Variants in EXOC6B observed in about 807,000 individuals in gnomAD.
EXOC6B encodes SEC15 homolog B.
EXOC6B carries 54 observed loss-of-function variants against 113.5 expected under a neutral mutation model. The ratio of observed to expected loss-of-function variants is 0.48; its 90% CI spans 0.38 to 0.60. EXOC6B has a LOEUF of 0.60. Among genes scored for constraint, EXOC6B ranks in the 20% least tolerant of loss-of-function variants. EXOC6B has a pLI of 0.00. For missense variants in EXOC6B, 797 were observed against 977.5 expected (o/e 0.82, Z 2.46); for synonymous variants, 357 against 339.0 (o/e 1.05, Z -0.58).
At position 72,405,978 on chromosome 2, in the gene EXOC6B, G is replaced by C. The variant is rs192509607; in HGVS notation, c.1981-26108C>G. 2.8e-3 allele frequency among the ~76,000 whole-genome samples: 420 copies of C among 152,202 alleles called. 1 individual carries two copies. Among genetic ancestry groups the C allele is most frequent in the African/African-American group, 9.5e-3 (395 of 41,546 alleles). ...AACCCATCTCACAGGCAGAGACACA[G>C]ATAGGCTCAAAATAAAGGGATGGAG... On this transcript the variant is annotated intron_variant, in intron 18 of 21. Transcript: ENST00000272427.
chr2:72,370,767 A>T (rs1009770211), intron 19 of EXOC6B, among the ~76,000 whole-genome samples: 3 of 152,036 alleles, frequency 2.0e-5, no homozygotes, highest in African/African-American at 7.3e-5. Context: ...CAAGGACAAA[A>T]AACCAAACAC....
intron 18 of EXOC6B, among the ~76,000 whole-genome samples, chr2:72,446,418 T>C (rs1696585456): frequency 6.6e-6 from 1 of 151,792 alleles, no homozygotes; most frequent in Non-Finnish European, 1.5e-5. Context: ...AGGTGGTATA[T>C]ATACACCATA....
At chr2:72,684,846 G>A (rs1676965373) in intron 6 of EXOC6B, among the ~76,000 whole-genome samples, 1 of 152,154 alleles carries the variant, frequency 6.6e-6, no homozygotes, top group Admixed American at 6.5e-5. Flanking sequence ...GGAAATGAGA[G>A]AAGTCTGGGA....
In EXOC6B at chr2:72,379,745, G is replaced by A. The variant is rs147248429; in HGVS notation, c.2106C>T (p.Asp702=). 11 of 1,611,166 alleles carry A rather than the reference G, an allele frequency of 6.8e-6. No individual in the cohort carries two copies. Among genetic ancestry groups the A allele is most frequent in the Middle Eastern group, 1.7e-4 (1 of 6,052 alleles). Residue 702 remains aspartate, a synonymous_variant, in exon 19 of 22, where the codon GAC becomes GAT. Transcript: ENST00000272427. ...TLGALQQFNL[D]VRECEQFARS... is the part of the protein sequence containing the mutation. ...CTGTCTTACGTTCACATTCTCTGAC[G>A]TCCAAGTTGAACTGCTGTAATGCTC...
chr2:72,639,889 A>G (rs1187313796), intron 6 of EXOC6B, among the ~76,000 whole-genome samples: 1 of 152,216 alleles, frequency 6.6e-6, no homozygotes, highest in Non-Finnish European at 1.5e-5. Flanking sequence ...TCAAGGATTA[A>G]AGGAAGATAA....
chr2:72,765,423 A>T (rs1683000795), intron 1 of EXOC6B, among the ~76,000 whole-genome samples: 1 of 152,240 alleles, frequency 6.6e-6, no homozygotes. Flanking sequence ...CTATAATCCC[A>T]GCACTTTGGG....
chr2:72,225,294 G>A (rs1438209719), intron 20 of EXOC6B, among the ~76,000 whole-genome samples: 2 of 152,112 alleles, frequency 1.3e-5, no homozygotes, highest in African/African-American at 4.8e-5. Flanking sequence ...TCTAACAACA[G>A]TCAGAAAATT....
intron 21 of EXOC6B, chr2:72,182,923 T>G: frequency 8.1e-7 from 1 of 1,230,598 alleles, no homozygotes; most frequent in Non-Finnish European, 1.0e-6. Flanking sequence ...GGAAGGTCAG[T>G]GGGAGAGAGA....
At chr2:72,773,437 A>C (rs945268384) in intron 1 of EXOC6B, among the ~76,000 whole-genome samples, 1 of 149,162 alleles carries the variant, frequency 6.7e-6, no homozygotes, top group Admixed American at 6.7e-5. Context: ...GTAGATCTTA[A>C]GTTTTCTCAC....
chr2:72,333,688 G>C (rs781095459), intron 20 of EXOC6B, among the ~76,000 whole-genome samples: 3 of 152,068 alleles, frequency 2.0e-5, no homozygotes, highest in Non-Finnish European at 4.4e-5. Flanking sequence ...ATGTGCAAGA[G>C]AACCCCCACC....
chr2:72,194,607 G>A (rs1355924152), intron 20 of EXOC6B, among the ~76,000 whole-genome samples: 5 of 137,298 alleles, frequency 3.6e-5, no homozygotes, highest in Admixed American at 7.0e-5. Context: ...CTGTGTGTGT[G>A]TGTGCATATG....
intron 6 of EXOC6B, among the ~76,000 whole-genome samples, chr2:72,695,429 T>G (rs1677802180): frequency 6.6e-6 from 1 of 152,210 alleles, no homozygotes; most frequent in African/African-American, 2.4e-5. Context: ...AAACACTTGT[T>G]TTCTTCATCA....
chr2:72,739,565 C>G (rs1027754424), intron 2 of EXOC6B, among the ~76,000 whole-genome samples: 4 of 151,828 alleles, frequency 2.6e-5, no homozygotes, highest in Admixed American at 6.6e-5. Flanking sequence ...TTTTTTCTTT[C>G]TGGTTTAGAA....
chr2:72,573,006 T>C (rs373513860), intron 7 of EXOC6B, among the ~76,000 whole-genome samples: 1 of 152,156 alleles, frequency 6.6e-6, no homozygotes, highest in African/African-American at 2.4e-5. Context: ...ATTCTTACAG[T>C]ACTACTTTTA....
chr2:72,182,930 G>A, intron 21 of EXOC6B: 1 of 1,229,016 alleles, frequency 8.1e-7, no homozygotes, highest in Non-Finnish European at 1.0e-6. Flanking sequence ...CAGTGGGAGA[G>A]AGAACCATGG....
chr2:72,388,038 G>A (rs1052584101), intron 18 of EXOC6B, among the ~76,000 whole-genome samples: 4 of 152,134 alleles, frequency 2.6e-5, no homozygotes, highest in Non-Finnish European at 4.4e-5. Flanking sequence ...CTGAAGACAT[G>A]TTTGGTTGTC....
At chr2:72,763,137 GA>G (rs968097299) in intron 1 of EXOC6B, among the ~76,000 whole-genome samples, 38 of 147,990 alleles carry the variant, frequency 2.6e-4, no homozygotes, top group African/African-American at 6.9e-4. Flanking sequence ...GAAATAAAGA[GA>G]AAAAAAAAGA....
Position 72,731,190 on chromosome 2 carries a change from G to A in EXOC6B, c.383C>T (p.Ser128Phe), listed in dbSNP as rs1370817883. Residue 128 changes from serine (S) to phenylalanine (F), a missense_variant, in exon 4 of 22, where the codon TCT becomes TTT. By Grantham distance (155) the Ser-to-Phe change is radical. Coordinates refer to ENST00000272427, the MANE Select transcript of EXOC6B (RefSeq NM_015189.3). The stretch of plus-strand genomic sequence containing the variant: ...CAGCATTAATTTATCAACAGTGGCA[G>A]AAATATTTCTCTGTTGTAGTCGACA... Reference protein sequence around the residue: ...KQCRLQQRNISATVDKLMLCL... With the variant: ...KQCRLQQRNIFATVDKLMLCL... 1.9e-6 allele frequency: 3 copies of A among 1,613,328 alleles called. No homozygotes were observed. The South Asian group carries it at 3.3e-5, about 18-fold the overall frequency.
At chr2:72,499,558 G>T (rs1294870216) in intron 12 of EXOC6B, among the ~76,000 whole-genome samples, 3 of 149,996 alleles carry the variant, frequency 2.0e-5, no homozygotes, top group Non-Finnish European at 4.4e-5. Flanking sequence ...TTTGAGATGG[G>T]TCTCTATCAC....
Sources: allele counts gnomAD v4.1 joint callset (sites outside exome capture counted in the v4.1 genomes callset), GRCh38; gene constraint gnomAD v4.1.1; transcripts MANE v1.5; gene names NCBI Gene and HGNC (gene_info 2026-07-23, HGNC 2026-07-21).